Variants in MSRA observed in about 807,000 individuals in gnomAD.
MSRA encodes the protein methionine sulfoxide reductase A.
In MSRA, 54 loss-of-function variants were observed where a neutral mutation model predicts 31.3. The observed-to-expected ratio is 1.73, with a 90% CI of 1.39 to 2.17. MSRA has a LOEUF of 2.17. MSRA is among the 30% of genes most tolerant of loss of function. The probability of loss-of-function intolerance (pLI) is 0.00; values close to 1 mark genes in which losing one functional copy is unlikely to be tolerated. For synonymous variants in MSRA, 169 were observed against 116.5 expected (o/e 1.45, Z -2.90); for missense variants, 507 against 300.9 (o/e 1.69, Z -5.07).
chr8:10,368,767 C>T (rs918873773), intron 5 of MSRA, among the ~76,000 whole-genome samples: 2 of 152,218 alleles, frequency 1.3e-5, no homozygotes, highest in African/African-American at 4.8e-5. Flanking sequence ...AATGTCACTT[C>T]TTCCATTAAG....
chr8:10,425,600 G>A (rs117816865), intron 5 of MSRA, among the ~76,000 whole-genome samples: 1 of 152,338 alleles, frequency 6.6e-6, no homozygotes, highest in East Asian at 1.9e-4. Context: ...TCAGACACAG[G>A]CAGGCTGGGA....
rs375061880 is a variant in MSRA at position 10,104,224 on chromosome 8, T to G, written c.142+49566T>G. Among the ~76,000 whole-genome samples, 5 of 152,324 alleles carry G rather than the reference T, an allele frequency of 3.3e-5. No individual in the cohort carries two copies. In the East Asian group the frequency reaches 5.8e-4, roughly 18 times the overall value. On this transcript the variant is annotated intron_variant, in intron 1 of 5. Transcript: ENST00000317173. ...TTAGAAATGGAGCCCAGTTTCTGAA[T>G]ATTTCAGCTTTACTCAGTAATGCCA...
At chr8:10,295,143 ACTGTGTTT>A (rs1800463893) in intron 3 of MSRA, among the ~76,000 whole-genome samples, 1 of 151,966 alleles carries the variant, frequency 6.6e-6, no homozygotes, top group Admixed American at 6.5e-5. Flanking sequence ...CTCTTTGCCT[ACTGTGTTT>A]GGGCAATGAG....
intron 4 of MSRA, among the ~76,000 whole-genome samples, chr8:10,309,883 G>A (rs1397927201): frequency 1.3e-5 from 2 of 152,220 alleles, no homozygotes; most frequent in African/African-American, 2.4e-5. Context: ...TCCACTCCGT[G>A]TTCAGGAGGT....
intron 1 of MSRA, among the ~76,000 whole-genome samples, chr8:10,080,045 TAG>T (rs1418914173): frequency 1.3e-5 from 2 of 152,220 alleles, no homozygotes; most frequent in African/African-American, 4.8e-5. Context: ...GCTGATGAAT[TAG>T]AACTCTAAGC....
intron 1 of MSRA, among the ~76,000 whole-genome samples, chr8:10,111,265 C>G (rs557716584): frequency 6.6e-6 from 1 of 152,130 alleles, no homozygotes; most frequent in Non-Finnish European, 1.5e-5. Context: ...ATGACAAGTT[C>G]GGGTCTCCAG....
intron 1 of MSRA, among the ~76,000 whole-genome samples, chr8:10,057,972 G>A (rs1201603497): frequency 6.6e-6 from 1 of 152,242 alleles, no homozygotes. Context: ...TTGCTAATCT[G>A]TGTTTGGGAA....
intron 5 of MSRA, among the ~76,000 whole-genome samples, chr8:10,387,090 G>GC (rs1028323068): frequency 1.3e-5 from 2 of 152,128 alleles, no homozygotes; most frequent in East Asian, 3.9e-4. Flanking sequence ...GGCAGCTGCT[G>GC]CTGCTGCCTG....
chr8:10,110,790 T>A (rs1800222032), intron 1 of MSRA, among the ~76,000 whole-genome samples: 1 of 152,192 alleles, frequency 6.6e-6, no homozygotes, highest in Non-Finnish European at 1.5e-5. Context: ...ATCTGTGGCT[T>A]CTCCTTTAAC....
intron 5 of MSRA, chr8:10,337,458 C>G (rs59544712): frequency 2.2e-6 from 1 of 450,886 alleles, no homozygotes; most frequent in Admixed American, 3.9e-5. Context: ...GGATTACAGG[C>G]GTGAGCCACC....
At chr8:10,239,915 C>T (rs1442404100) in intron 2 of MSRA, among the ~76,000 whole-genome samples, 1 of 151,700 alleles carries the variant, frequency 6.6e-6, no homozygotes, top group African/African-American at 2.4e-5. Context: ...ACAGTTTGTT[C>T]ACTGAACTGG....
At chr8:10,090,726 T>A (rs1193622598) in intron 1 of MSRA, among the ~76,000 whole-genome samples, 1 of 152,236 alleles carries the variant, frequency 6.6e-6, no homozygotes, top group African/African-American at 2.4e-5. Flanking sequence ...ACCAATAAGC[T>A]ATGTTCTGTG....
At chr8:10,155,049 G>A (rs1804035119) in intron 1 of MSRA, among the ~76,000 whole-genome samples, 1 of 137,726 alleles carries the variant, frequency 7.3e-6, no homozygotes, top group Non-Finnish European at 1.5e-5. Flanking sequence ...AAGAGAACAA[G>A]CTTATTTTAT....
At chr8:10,322,828 A>C (rs1455262476) in intron 5 of MSRA, among the ~76,000 whole-genome samples, 1 of 152,222 alleles carries the variant, frequency 6.6e-6, no homozygotes. Flanking sequence ...ACAGTGACTC[A>C]CGCCTCTAAT....
intron 3 of MSRA, among the ~76,000 whole-genome samples, chr8:10,266,605 C>G (rs1288968642): frequency 6.6e-6 from 1 of 150,802 alleles, no homozygotes. Flanking sequence ...TCCAGTCTAT[C>G]GGTTTTTTTT....
Position 10,388,859 on chromosome 8 carries a change from C to T in MSRA, c.544-39289C>T, listed in dbSNP as rs375678704. On this transcript the variant is annotated intron_variant, in intron 5 of 5. Transcript: ENST00000317173. The stretch of plus-strand genomic sequence containing the variant: ...TGCCATTAGCTTGCTGCTTCCCCTG[C>T]GACCCACCCCTGCCACTGCTACCCT... Among the ~76,000 whole-genome samples the T allele has an allele frequency of 4.7e-4, 72 of 151,610 alleles. 3 individuals carry two copies. Among genetic ancestry groups the T allele is most frequent in the African/African-American group, 1.5e-3 (63 of 41,284 alleles).
At chr8:10,214,227 G>A (rs1343288689) in intron 2 of MSRA, among the ~76,000 whole-genome samples, 6 of 152,120 alleles carry the variant, frequency 3.9e-5, no homozygotes, top group African/African-American at 9.7e-5. Flanking sequence ...TTGAACAGCT[G>A]TGTGAATGGA....
chr8:10,156,142 T>A (rs1480963836), intron 1 of MSRA, among the ~76,000 whole-genome samples: 3 of 152,252 alleles, frequency 2.0e-5, no homozygotes, highest in Non-Finnish European at 4.4e-5. Flanking sequence ...AGGAACTGTT[T>A]CAGATTAGGG....
intron 5 of MSRA, among the ~76,000 whole-genome samples, chr8:10,403,213 G>GACTA (rs2129184755): frequency 6.6e-6 from 1 of 152,312 alleles, no homozygotes; most frequent in Non-Finnish European, 1.5e-5. Flanking sequence ...TGGCACCTGA[G>GACTA]ACTAACGAAA....
Sources: gnomAD v4.1 joint callset for allele counts (sites outside exome capture counted in the v4.1 genomes callset) on GRCh38, gnomAD v4.1.1 for gene constraint, MANE v1.5 for transcripts, NCBI Gene and HGNC (gene_info 2026-07-23, HGNC 2026-07-21) for gene names.